The following CENPO variants were observed in gnomAD, a reference collection of about 807,000 sequenced individuals.
CENPO encodes the protein centromere protein O.
In CENPO, 30 loss-of-function variants were observed where a neutral mutation model predicts 36.1. The observed-to-expected ratio is 0.83, with a 90% CI of 0.62 to 1.13. The LOEUF (loss-of-function observed/expected upper bound fraction) is 1.13, where lower values mean the gene tolerates loss of function less well. Ranked by LOEUF, CENPO falls within the 50% of genes most tolerant of loss-of-function variation. The pLI, the probability that CENPO is intolerant of heterozygous loss-of-function variation, is 0.00. For synonymous variants in CENPO, 171 were observed against 142.3 expected (o/e 1.20, Z -1.44); for missense variants, 349 against 357.8 (o/e 0.98, Z 0.20).
chr2:24,803,676 G>C (rs1666253670), intron 3 of CENPO, among the ~76,000 whole-genome samples: 1 of 152,166 alleles, frequency 6.6e-6, no homozygotes, highest in Admixed American at 6.5e-5. Flanking sequence ...TAGTTTGATT[G>C]CACTGTCGTC....
At chr2:24,796,964 A>T (rs1194341604) in intron 2 of CENPO, among the ~76,000 whole-genome samples, 1 of 152,168 alleles carries the variant, frequency 6.6e-6, no homozygotes, top group Non-Finnish European at 1.5e-5. Flanking sequence ...TGAGGGTAAG[A>T]GAGATCCAGA....
intron 3 of CENPO, among the ~76,000 whole-genome samples, chr2:24,802,752 G>A (rs1666214037): frequency 6.6e-6 from 1 of 152,140 alleles, no homozygotes; most frequent in Non-Finnish European, 1.5e-5. Context: ...GAGGATTTTT[G>A]CATCGACGTT....
intron 4 of CENPO, 136 bp downstream of exon 4, chr2:24,814,629 C>G: frequency 3.1e-6 from 2 of 641,568 alleles, no homozygotes; most frequent in Non-Finnish European, 5.6e-6. Flanking sequence ...CTCACACACA[C>G]ACACACACAC....
rs562617864 is a variant in CENPO at position 24,821,051 on chromosome 2, C to T, written c.*1733C>T. 5 of 659,074 alleles carry T rather than the reference C, an allele frequency of 7.6e-6. No homozygotes were observed. Among genetic ancestry groups the T allele is most frequent in the African/African-American group, 1.8e-5 (1 of 54,154 alleles). The allele number at this position is 659,074 out of a possible 1,614,324, so 40.8% of individuals were successfully genotyped here. ...GCTTGTTAGGTGTCAGCCGCCACCC[C>T]CCCCCCATATGCAGATTTACTCGGC... On this transcript the variant is annotated 3_prime_UTR_variant, in exon 8 of 8. Transcript: ENST00000380834.
intron 3 of CENPO, 73 bp downstream of exon 3, chr2:24,799,917 G>A: frequency 6.6e-7 from 1 of 1,508,900 alleles, no homozygotes; most frequent in Non-Finnish European, 9.1e-7. Context: ...TTGGTGAATT[G>A]GCCATTTTTT....
In CENPO at chr2:24,821,689, A is replaced by G. The variant is rs1291178873; in HGVS notation, c.*2371A>G. On this transcript the variant is annotated 3_prime_UTR_variant, in exon 8 of 8. Coordinates refer to ENST00000380834, the MANE Select transcript of CENPO (RefSeq NM_001322101.2). ...AGTGTCAGGGGCCGCTCACTGCAGC[A>G]GCCTGCTCTGCTGCCTTCCCTGGCA... The G allele has an allele frequency of 3.1e-6, 5 of 1,599,792 alleles. No individual in the cohort carries two copies. The highest frequency in any genetic ancestry group is 4.3e-6 in the Non-Finnish European group (5 of 1,171,404).
chr2:24,801,935 A>G (rs568007280), intron 3 of CENPO, among the ~76,000 whole-genome samples: 59 of 152,248 alleles, frequency 3.9e-4, no homozygotes, highest in Non-Finnish European at 7.5e-4. Flanking sequence ...CCATTTTCAC[A>G]ATATTGATTC....
chr2:24,817,940 G>A (rs1667036280), intron 7 of CENPO, 99 bp downstream of exon 7: 2 of 941,436 alleles, frequency 2.1e-6, no homozygotes, highest in Non-Finnish European at 3.1e-6. Flanking sequence ...CTGTTCATCT[G>A]GATGGAAGAG....
chr2:24,814,347 C>T (rs1375399193), intron 3 of CENPO, 29 bp from the exon 4 acceptor site: 1 of 1,101,264 alleles, frequency 9.1e-7, no homozygotes, highest in South Asian at 1.2e-5. Flanking sequence ...CCTCTTTGTA[C>T]CAAGATTGAT....
chr2:24,820,808 G>A lies in CENPO; in HGVS notation c.*1490G>A. 1 of 1,613,988 alleles carries A rather than the reference G, an allele frequency of 6.2e-7. No individual in the cohort carries two copies. Among genetic ancestry groups the A allele is most frequent in the Non-Finnish European group, 8.5e-7 (1 of 1,179,980 alleles). ...CCCAGATGTCGTAGTGTGGTTTCCG[G>A]GCTCCGATGACCCCAGCCAGAACCC... On this transcript the variant is annotated 3_prime_UTR_variant, in exon 8 of 8. Transcript: ENST00000380834.
chr2:24,820,593 T>A lies in CENPO; in HGVS notation c.*1275T>A, dbSNP rs1182978519. ...GCTATTGCAGAGATTCTTTTCCACT[T>A]GCCCCACGTCTCTGCCTCTGGACTT... is the stretch of plus-strand genomic sequence containing the variant. On this transcript the variant is annotated 3_prime_UTR_variant, in exon 8 of 8. Coordinates refer to ENST00000380834, the MANE Select transcript of CENPO (RefSeq NM_001322101.2). 3 of 1,482,680 alleles carry A rather than the reference T, an allele frequency of 2.0e-6. No homozygotes were observed. The highest frequency in any genetic ancestry group is 1.4e-5 in the South Asian group (1 of 73,782). 91.8% of individuals were successfully genotyped at this position (1,482,680 alleles called of 1,614,324 possible). A position where few individuals can be genotyped will look rare whatever the true frequency, so the allele number is the denominator to read the frequency against.
intron 5 of CENPO, 38 bp from the exon 6 acceptor site, chr2:24,816,608 G>C: frequency 2.7e-6 from 4 of 1,496,718 alleles, no homozygotes; most frequent in Non-Finnish European, 3.6e-6. Flanking sequence ...TGGAACTGCA[G>C]TCATCCTCTA....
chr2:24,804,304 T>C (rs1356590028), intron 3 of CENPO, among the ~76,000 whole-genome samples: 2 of 152,174 alleles, frequency 1.3e-5, no homozygotes, highest in Non-Finnish European at 2.9e-5. Flanking sequence ...TGTCTTTTAA[T>C]TGGAGCATTT....
At chr2:24,816,410 G>A (rs1666939812) in intron 5 of CENPO, 7 of 443,556 alleles carry the variant, frequency 1.6e-5, no homozygotes, top group Admixed American at 7.7e-5. Context: ...AGTCTCTTGC[G>A]AAGCTGTACC....
rs77730430 is a variant in CENPO, at chr2:24,808,354, A to G, written c.217-6022A>G. On this transcript the variant is annotated intron_variant, in intron 3 of 7. Coordinates refer to ENST00000380834, the MANE Select transcript of CENPO (RefSeq NM_001322101.2). ...CTCCCGAGTAGCTGGGATTACAGGC[A>G]TGCGCCCAGCTAATTTTTGTATTTT... 6.2e-3 allele frequency among the ~76,000 whole-genome samples: 941 copies of G among 152,130 alleles called. 14 individuals are homozygous for G. The highest frequency in any genetic ancestry group is 0.021 in the African/African-American group (884 of 41,516).
intron 2 of CENPO, among the ~76,000 whole-genome samples, chr2:24,797,579 T>C (rs1665961378): frequency 6.6e-6 from 1 of 152,042 alleles, no homozygotes; most frequent in Admixed American, 6.6e-5. Context: ...AAGCAGAAAG[T>C]GGGGTCAGAG....
chr2:24,800,271 T>G (rs1666103017), intron 3 of CENPO, among the ~76,000 whole-genome samples: 1 of 152,186 alleles, frequency 6.6e-6, no homozygotes, highest in South Asian at 2.1e-4. Flanking sequence ...AGAGTGAGAC[T>G]CCGTCTCAAA....
At chr2:24,813,724 T>G (rs1282644228) in intron 3 of CENPO, among the ~76,000 whole-genome samples, 2 of 151,916 alleles carry the variant, frequency 1.3e-5, no homozygotes, top group South Asian at 2.1e-4. Context: ...TGCTGCGGAG[T>G]CTAGTTTATG....
In CENPO at chr2:24,821,230, C is replaced by T; in HGVS notation, c.*1912C>T. The T allele has an allele frequency of 2.2e-6, 1 of 458,096 alleles. No individual in the cohort carries two copies. The highest frequency in any genetic ancestry group is 4.1e-5 in the East Asian group (1 of 24,604). The allele number at this position is 458,096 out of a possible 1,614,324, so 28.4% of individuals were successfully genotyped here. On this transcript the variant is annotated 3_prime_UTR_variant, in exon 8 of 8. Coordinates refer to ENST00000380834, the MANE Select transcript of CENPO (RefSeq NM_001322101.2). Reference sequence around the variant, plus strand: ...GCCATGTCCTCAGCAGGCACAGCAACCCCTCTGGAAATGGATCACAAACTC... The same window carrying T: ...GCCATGTCCTCAGCAGGCACAGCAATCCCTCTGGAAATGGATCACAAACTC...
Sources: gnomAD v4.1 joint callset for allele counts (sites outside exome capture counted in the v4.1 genomes callset) on GRCh38, gnomAD v4.1.1 for gene constraint, MANE v1.5 for transcripts, NCBI Gene and HGNC (gene_info 2026-07-23, HGNC 2026-07-21) for gene names.